The following AMMECR1 variants were observed in gnomAD, a reference collection of about 807,000 sequenced individuals.
AMMECR1 encodes AMMECR nuclear protein 1, also known as nuclear protein AMMECR1.
AMMECR1 carries 3 observed loss-of-function variants against 22.5 expected under a neutral mutation model. That is an observed-to-expected ratio of 0.13 (90% CI 0.06 to 0.35). AMMECR1 has a LOEUF of 0.35. Ranked by LOEUF, AMMECR1 falls within the 10% of genes least tolerant of loss-of-function variation. The probability of loss-of-function intolerance (pLI) is 1.00; values close to 1 mark genes in which losing one functional copy is unlikely to be tolerated. For missense variants in AMMECR1, 235 were observed against 278.7 expected, an observed-to-expected ratio of 0.84 and a Z score of 1.12; for synonymous variants, 130 against 116.7, an observed-to-expected ratio of 1.11 and a Z score of -0.74.
intron 2 of AMMECR1, among the ~76,000 whole-genome samples, chrX:110,234,082 C>A (rs1215300421): frequency 6.3e-5 from 7 of 111,882 alleles, no homozygotes; most frequent in Non-Finnish European, 1.1e-4. Flanking sequence ...GAAAACCCCA[C>A]TGTCTCAGCC....
rs761488430 is a variant in AMMECR1 at position 110,365,544 on chromosome X, CATA to C, written c.-147-47698_-147-47696del. 6.1e-3 allele frequency among the ~76,000 whole-genome samples: 679 copies of C among 111,955 alleles called. 8 individuals are homozygous for C. Among genetic ancestry groups the C allele is most frequent in the African/African-American group, 0.021 (661 of 30,774 alleles). Reference sequence around the variant, plus strand: ...AATCCTGCTCTCCTGAGACAATTTACATAATAACTTTTGGGGAGAATGCAATAA... The same window carrying C: ...AATCCTGCTCTCCTGAGACAATTTACATAACTTTTGGGGAGAATGCAATAA... On this transcript the variant is annotated intron_variant, in intron 2 of 7. Coordinates refer to the AMMECR1 transcript ENST00000372057.
intron 2 of AMMECR1, among the ~76,000 whole-genome samples, chrX:110,412,041 G>T (rs190667638): frequency 1.1e-4 from 12 of 112,911 alleles, no homozygotes; most frequent in Non-Finnish European, 2.1e-4. Flanking sequence ...GAAAGGCAAA[G>T]GGCCTATGCC....
chrX:110,327,700 T>C (rs2068103245), intron 2 of AMMECR1, among the ~76,000 whole-genome samples: 1 of 111,814 alleles, frequency 8.9e-6, no homozygotes, highest in Non-Finnish European at 1.9e-5. Flanking sequence ...TTTTATTTAA[T>C]TAGCGATAGT....
chrX:110,297,409 C>T (rs1170886005), intron 1 of AMMECR1, among the ~76,000 whole-genome samples: 1 of 111,528 alleles, frequency 9.0e-6, no homozygotes, highest in East Asian at 2.8e-4. Context: ...AGCTACCACA[C>T]AGGTCAATAG....
intron 2 of AMMECR1, among the ~76,000 whole-genome samples, chrX:110,345,503 T>A (rs189778500): frequency 0.015 from 1,530 of 101,671 alleles, 20 homozygotes; most frequent in East Asian, 0.039. Context: ...ATAAAAAAAA[T>A]ATATATATAT....
intron 1 of AMMECR1, among the ~76,000 whole-genome samples, chrX:110,436,275 G>C (rs780212032): frequency 9.0e-6 from 1 of 111,098 alleles, no homozygotes; most frequent in Non-Finnish European, 1.9e-5. Context: ...TTCATTATGC[G>C]ACCCAGCTGT....
At chrX:110,312,946 C>T (rs1019533973) in intron 1 of AMMECR1, among the ~76,000 whole-genome samples, 3 of 112,623 alleles carry the variant, frequency 2.7e-5, no homozygotes, top group African/African-American at 9.7e-5. Flanking sequence ...CTGCGATAGA[C>T]AGATACATCT....
chrX:110,313,309 A>T (rs1049418175), intron 1 of AMMECR1, among the ~76,000 whole-genome samples: 6 of 112,537 alleles, frequency 5.3e-5, no homozygotes, highest in Admixed American at 4.7e-4. Context: ...ATGTACTTTA[A>T]TAATAAAGAA....
Position 110,195,287 on chromosome X carries a change from C to T in AMMECR1, c.*3233G>A, listed in dbSNP as rs977222822. ...GGGGAAGCAAGCCTTGCACTTCCTCCATCAATTTCACTGACCTCTCGTGTT... is the reference window on the plus strand; with the variant it reads ...GGGGAAGCAAGCCTTGCACTTCCTCTATCAATTTCACTGACCTCTCGTGTT... On this transcript the variant is annotated 3_prime_UTR_variant, in exon 6 of 6. Transcript: ENST00000262844. 1 of 111,545 alleles carries T rather than the reference C, an allele frequency of 9.0e-6. No homozygotes were observed. Among genetic ancestry groups the T allele is most frequent in the African/African-American group, 3.3e-5 (1 of 30,640 alleles). 9.2% of individuals were successfully genotyped at this position (111,545 alleles called of 1,213,427 possible).
intron 2 of AMMECR1, among the ~76,000 whole-genome samples, chrX:110,258,352 G>C (rs752632404): frequency 4.3e-4 from 48 of 111,736 alleles, no homozygotes; most frequent in Non-Finnish European, 7.5e-4. Flanking sequence ...GATAACGAAG[G>C]AGTGCATTAA....
intron 2 of AMMECR1, among the ~76,000 whole-genome samples, chrX:110,393,729 G>A (rs1364117964): frequency 2.7e-5 from 3 of 112,080 alleles, no homozygotes; most frequent in Admixed American, 9.4e-5. Context: ...TAGTTATCAC[G>A]TTAATGGGGA....
chrX:110,380,668 G>A (rs756804919), intron 2 of AMMECR1, among the ~76,000 whole-genome samples: 1 of 112,311 alleles, frequency 8.9e-6, no homozygotes, highest in East Asian at 2.8e-4. Flanking sequence ...CAAAGCTGGA[G>A]GCATCACATT....
chrX:110,328,688 C>T (rs1176634266), intron 2 of AMMECR1, among the ~76,000 whole-genome samples: 1 of 107,853 alleles, frequency 9.3e-6, no homozygotes, highest in Non-Finnish European at 1.9e-5. Context: ...CATTGTTCAA[C>T]TCCCACTTAT....
chrX:110,224,367 T>C (rs1159861173), intron 2 of AMMECR1, among the ~76,000 whole-genome samples: 1 of 111,199 alleles, frequency 9.0e-6, no homozygotes, highest in Admixed American at 9.6e-5. Context: ...CTAAATAATA[T>C]ATGGATATGT....
intron 2 of AMMECR1, among the ~76,000 whole-genome samples, chrX:110,250,665 A>C: frequency 8.9e-6 from 1 of 112,025 alleles, no homozygotes. Flanking sequence ...TGGTAACTGA[A>C]GTTATGGGAG....
At chrX:110,434,551 A>G (rs1242604358) in intron 1 of AMMECR1, among the ~76,000 whole-genome samples, 1 of 111,231 alleles carries the variant, frequency 9.0e-6, no homozygotes, top group African/African-American at 3.3e-5. Context: ...GGTCAAGGAG[A>G]GGGAAAAGGT....
rs527472228 is a variant in AMMECR1 at position 110,195,936 on chromosome X, A to G, written c.*2584T>C. ...AAAATGCACTTTGCATTACTTGAATACAAAAGGAGACAAAACTATCCTTTT... is the reference window on the plus strand; with the variant it reads ...AAAATGCACTTTGCATTACTTGAATGCAAAAGGAGACAAAACTATCCTTTT... On this transcript the variant is annotated 3_prime_UTR_variant, in exon 6 of 6. Transcript: ENST00000262844. 1.8e-5 allele frequency: 2 copies of G among 112,196 alleles called. No homozygotes were observed. The highest frequency in any genetic ancestry group is 2.8e-4 in the East Asian group (1 of 3,567). 9.2% of individuals were successfully genotyped at this position (112,196 alleles called of 1,213,427 possible).
chrX:110,233,088 G>A (rs886708681), intron 2 of AMMECR1, among the ~76,000 whole-genome samples: 6 of 109,334 alleles, frequency 5.5e-5, no homozygotes, highest in African/African-American at 1.3e-4. Flanking sequence ...TAGACCGCTA[G>A]CAAGACTAAT....
chrX:110,425,607 A>G lies in AMMECR1; in HGVS notation c.-148+1051T>C, dbSNP rs562777778. On this transcript the variant is annotated intron_variant, in intron 2 of 7. Transcript: ENST00000372057. ...ATACAACAACAATAATAGTTGCCCTATAGTGAGTACTTACTATGGGCCAGG... is the reference window on the plus strand; with the variant it reads ...ATACAACAACAATAATAGTTGCCCTGTAGTGAGTACTTACTATGGGCCAGG... 2.2e-4 allele frequency among the ~76,000 whole-genome samples: 25 copies of G among 113,172 alleles called. No homozygotes were observed. In the South Asian group the frequency reaches 7.2e-3, roughly 33 times the overall value.
Sources: gnomAD v4.1 joint callset for allele counts (sites outside exome capture counted in the v4.1 genomes callset) on GRCh38, gnomAD v4.1.1 for gene constraint, MANE v1.5 for transcripts, NCBI Gene and HGNC (gene_info 2026-07-23, HGNC 2026-07-21) for gene names.